The following ME1 variants were observed in gnomAD, a reference collection of about 807,000 sequenced individuals.
ME1 encodes NADP-dependent malic enzyme.
ME1 carries 74 observed loss-of-function variants against 66.4 expected under a neutral mutation model. That is an observed-to-expected ratio of 1.11 (90% CI 0.92 to 1.35). The LOEUF (loss-of-function observed/expected upper bound fraction) is 1.35. ME1 is among the 40% of genes most tolerant of loss of function. ME1 has a pLI of 0.00. For synonymous variants in ME1, 251 were observed against 235.6 expected, an observed-to-expected ratio of 1.07 and a Z score of -0.60; for missense variants, 750 against 694.1, an observed-to-expected ratio of 1.08 and a Z score of -0.90.
intron 6 of ME1, among the ~76,000 whole-genome samples, chr6:83,282,058 T>C (rs1299135913): frequency 3.3e-5 from 5 of 151,270 alleles, no homozygotes; most frequent in Non-Finnish European, 5.9e-5. Context: ...GACTAGACCA[T>C]ATAGAAGAAG....
At chr6:83,241,236 G>T (rs796948769) in intron 7 of ME1, among the ~76,000 whole-genome samples, 3 of 152,038 alleles carry the variant, frequency 2.0e-5, no homozygotes, top group African/African-American at 7.2e-5. Flanking sequence ...CTCTCTCTTG[G>T]GTTCTTTTGA....
intron 6 of ME1, among the ~76,000 whole-genome samples, chr6:83,314,292 C>T (rs1767984545): frequency 6.6e-6 from 1 of 152,154 alleles, no homozygotes; most frequent in African/African-American, 2.4e-5. Context: ...ATCCAAAATG[C>T]TCCAAAATCT....
intron 2 of ME1, among the ~76,000 whole-genome samples, chr6:83,402,086 AGCACAT>A (rs1769850960): frequency 6.6e-6 from 1 of 152,366 alleles, no homozygotes; most frequent in South Asian, 2.1e-4. Context: ...GTGGGGAATG[AGCACAT>A]GCTCATGAAA....
chr6:83,284,707 A>G (rs1254036467), intron 6 of ME1, among the ~76,000 whole-genome samples: 1 of 152,170 alleles, frequency 6.6e-6, no homozygotes, highest in East Asian at 1.9e-4. Context: ...TCTAAAAATA[A>G]TAAGAGCCAT....
At chr6:83,333,125 A>T (rs1235915521) in intron 5 of ME1, among the ~76,000 whole-genome samples, 9 of 152,154 alleles carry the variant, frequency 5.9e-5, no homozygotes, top group Admixed American at 5.2e-4. Context: ...TAGGTATGAT[A>T]AAAGAGGAAA....
intron 6 of ME1, among the ~76,000 whole-genome samples, chr6:83,303,486 A>G (rs1384033716): frequency 6.6e-6 from 1 of 152,214 alleles, no homozygotes; most frequent in East Asian, 1.9e-4. Flanking sequence ...AACTTTGGGT[A>G]GCAAGGGAAA....
At chr6:83,249,690 C>T (rs1221079490) in intron 7 of ME1, among the ~76,000 whole-genome samples, 7 of 152,086 alleles carry the variant, frequency 4.6e-5, no homozygotes, top group South Asian at 2.1e-4. Context: ...TATTCCACTT[C>T]GACTGACTTC....
At chr6:83,295,186 A>C (rs1767575070) in intron 6 of ME1, among the ~76,000 whole-genome samples, 2 of 152,360 alleles carry the variant, frequency 1.3e-5, no homozygotes, top group East Asian at 1.9e-4. Flanking sequence ...TGTGAAACCA[A>C]AGACAAGAAG....
intron 6 of ME1, among the ~76,000 whole-genome samples, chr6:83,264,028 G>T (rs989475789): frequency 6.6e-6 from 1 of 152,162 alleles, no homozygotes; most frequent in Non-Finnish European, 1.5e-5. Flanking sequence ...TCAACGTCTG[G>T]CTTCAAAGCT....
chr6:83,386,311 A>C (rs1769502017), intron 3 of ME1, among the ~76,000 whole-genome samples: 1 of 152,036 alleles, frequency 6.6e-6, no homozygotes. Flanking sequence ...TAACAAAATA[A>C]AAAATAAAAG....
At position 83,269,997 on chromosome 6, in the gene ME1, C is replaced by T. The variant is rs371812932; in HGVS notation, c.705-16259G>A. Reference sequence around the variant, plus strand: ...CTAAAACTTCTTGTGAAATATAGACCCAGAGGTCTGGATTTATAGGTCTCT... The same window carrying T: ...CTAAAACTTCTTGTGAAATATAGACTCAGAGGTCTGGATTTATAGGTCTCT... On this transcript the variant is annotated intron_variant, in intron 6 of 13. Transcript: ENST00000369705. Among the ~76,000 whole-genome samples the T allele has an allele frequency of 3.3e-5, 5 of 152,022 alleles. No homozygotes were observed. In the South Asian group the frequency reaches 1.0e-3, roughly 32 times the overall value.
At chr6:83,235,470 A>ATTTTTTTTT (rs10691116) in intron 9 of ME1, among the ~76,000 whole-genome samples, 3 of 128,242 alleles carry the variant, frequency 2.3e-5, no homozygotes, top group Non-Finnish European at 4.8e-5. Context: ...AGCAATAGCT[A>ATTTTTTTTT]TTTTTTTTTT....
At chr6:83,321,041 A>G (rs1279103469) in intron 5 of ME1, among the ~76,000 whole-genome samples, 1 of 152,152 alleles carries the variant, frequency 6.6e-6, no homozygotes, top group Non-Finnish European at 1.5e-5. Flanking sequence ...GCACCCAGGA[A>G]GCGCAGGGGG....
chr6:83,215,894 T>C (rs1291953430), intron 13 of ME1, among the ~76,000 whole-genome samples: 1 of 152,234 alleles, frequency 6.6e-6, no homozygotes, highest in African/African-American at 2.4e-5. Context: ...AGAAAACTAA[T>C]ACAATTACAC....
chr6:83,288,824 A>T (rs1243507631), intron 6 of ME1, among the ~76,000 whole-genome samples: 1 of 151,984 alleles, frequency 6.6e-6, no homozygotes, highest in African/African-American at 2.4e-5. Flanking sequence ...GTCCTCTATT[A>T]TTTCCTTGAG....
intron 1 of ME1, among the ~76,000 whole-genome samples, chr6:83,412,681 T>A (rs985396846): frequency 6.6e-6 from 1 of 151,956 alleles, no homozygotes; most frequent in Non-Finnish European, 1.5e-5. Context: ...ACAAAACTAT[T>A]GATACACAAA....
Position 83,253,513 on chromosome 6 carries a change from T to A in ME1, c.814+116A>T. 5.6e-6 allele frequency: 3 copies of A among 530,980 alleles called. No homozygotes were observed. The South Asian group carries it at 9.9e-5, about 17-fold the overall frequency. The allele number at this position is 530,980 out of a possible 1,614,324, so 32.9% of individuals were successfully genotyped here. ...AAATAGTATGTGACATCAGCAAGCA[T>A]AATTCCTGGAATTTAAAAGGTACTC... On this transcript the variant is annotated intron_variant, in intron 7 of 13. Transcript: ENST00000369705.
At chr6:83,357,439 T>C (rs1386646724) in intron 3 of ME1, among the ~76,000 whole-genome samples, 2 of 152,226 alleles carry the variant, frequency 1.3e-5, no homozygotes, top group Non-Finnish European at 2.9e-5. Context: ...ATATAATGTA[T>C]CTGATGGCCA....
rs539200954 is a variant in ME1 at position 83,384,157 on chromosome 6, G to A, written c.362+14210C>T. Among the ~76,000 whole-genome samples the A allele has an allele frequency of 1.3e-3, 196 of 151,814 alleles. 6 individuals are homozygous for A. In the South Asian group the frequency reaches 0.039, roughly 30 times the overall value. On this transcript the variant is annotated intron_variant, in intron 3 of 13. Transcript: ENST00000369705. Reference sequence around the variant, plus strand: ...TACCAGTGCATGTGTCTTTTTGGTCGAATGGTTTATTTTCCTTTGGGTATA... The same window carrying A: ...TACCAGTGCATGTGTCTTTTTGGTCAAATGGTTTATTTTCCTTTGGGTATA...
Sources: allele counts gnomAD v4.1 joint callset (sites outside exome capture counted in the v4.1 genomes callset), GRCh38; gene constraint gnomAD v4.1.1; transcripts MANE v1.5; gene names NCBI Gene and HGNC (gene_info 2026-07-23, HGNC 2026-07-21).